NPAS3: variants seen among roughly 807,000 people sequenced by gnomAD.
NPAS3 encodes neuronal PAS domain-containing protein 3.
NPAS3 carries 14 observed loss-of-function variants against 73.1 expected under a neutral mutation model. The ratio of observed to expected loss-of-function variants is 0.19; its 90% CI spans 0.13 to 0.30. The LOEUF (loss-of-function observed/expected upper bound fraction) is 0.30. NPAS3 is among the 10% of genes least tolerant of loss of function. The probability of loss-of-function intolerance (pLI) is 1.00; values close to 1 mark genes in which losing one functional copy is unlikely to be tolerated. For synonymous variants in NPAS3, 620 were observed against 541.5 expected (o/e 1.14, Z -2.01); for missense variants, 1,096 against 1,250.0 (o/e 0.88, Z 1.86).
chr14:33,109,810 C>CTTTTTTTTTTTTTTTTTTTTT (rs67439887), intron 2 of NPAS3, among the ~76,000 whole-genome samples: 2 of 86,974 alleles, frequency 2.3e-5, no homozygotes, highest in Non-Finnish European at 4.2e-5. Context: ...ATTTGCATGT[C>CTTTTTTTTTTTTTTTTTTTTT]TTTTTTTTTT....
chr14:33,685,223 G>A lies in NPAS3; in HGVS notation c.733+8838G>A, dbSNP rs549492817. ...GGGGGACAGATGAGTAACACAATGC[G>A]GAAGCGTGGTAATGAGGATCAGGAC... On this transcript the variant is annotated intron_variant, in intron 6 of 11. Coordinates refer to ENST00000356141, the Ensembl canonical transcript of NPAS3. 3.9e-5 allele frequency among the ~76,000 whole-genome samples: 6 copies of A among 152,254 alleles called. No individual in the cohort carries two copies. In the East Asian group the frequency reaches 5.8e-4, roughly 15 times the overall value.
rs1030539075 is a variant in NPAS3, at chr14:33,365,262, C to G, written c.386-1924C>G. Among the ~76,000 whole-genome samples the G allele has an allele frequency of 5.9e-4, 85 of 143,200 alleles. 1 individual carries two copies. The highest frequency in any genetic ancestry group is 3.5e-4 in the Non-Finnish European group (23 of 66,650). The allele number at this position is 143,200 out of a possible 152,430, so 93.9% of individuals were successfully genotyped here. A position where few individuals can be genotyped will look rare whatever the true frequency, so the allele number is the denominator to read the frequency against. On this transcript the variant is annotated intron_variant, in intron 3 of 11. Transcript: ENST00000356141. Reference sequence around the variant, plus strand: ...TTCATGTGGGATCATTCACACCAAGCTACCATAATGTGCAATTAACACTCT... The same window carrying G: ...TTCATGTGGGATCATTCACACCAAGGTACCATAATGTGCAATTAACACTCT...
At position 33,768,384 on chromosome 14, in the gene NPAS3, A is replaced by G. The variant is rs180693962; in HGVS notation, c.853-5953A>G. On this transcript the variant is annotated intron_variant, in intron 7 of 11. Coordinates refer to ENST00000356141, the Ensembl canonical transcript of NPAS3. ...TGTAGATGAGATTTAAGACCAGATTAAGATGAACTTTTTGAACACTGAGGC... is the reference window on the plus strand; with the variant it reads ...TGTAGATGAGATTTAAGACCAGATTGAGATGAACTTTTTGAACACTGAGGC... 1.4e-3 allele frequency among the ~76,000 whole-genome samples: 211 copies of G among 152,360 alleles called. 2 individuals carry two copies. Among genetic ancestry groups the G allele is most frequent in the Non-Finnish European group, 2.1e-3 (145 of 68,040 alleles).
chr14:32,967,771 T>TGGGG (rs71118518), intron 1 of NPAS3, among the ~76,000 whole-genome samples: 1 of 147,310 alleles, frequency 6.8e-6, no homozygotes, highest in Non-Finnish European at 1.5e-5. Context: ...CAACAGCATG[T>TGGGG]GGGGGGGGGT....
intron 7 of NPAS3, among the ~76,000 whole-genome samples, chr14:33,746,689 G>C (rs1328711692): frequency 2.0e-5 from 3 of 151,998 alleles, no homozygotes; most frequent in African/African-American, 7.2e-5. Context: ...CCGAGAATTA[G>C]AAAGGTTAAG....
chr14:33,267,997 G>A (rs1245113079), intron 3 of NPAS3, among the ~76,000 whole-genome samples: 1 of 152,040 alleles, frequency 6.6e-6, no homozygotes, highest in Non-Finnish European at 1.5e-5. Flanking sequence ...GCCTAAGGAT[G>A]ACATAAAAAT....
At chr14:33,456,450 G>T (rs776859241) in intron 4 of NPAS3, among the ~76,000 whole-genome samples, 1 of 152,100 alleles carries the variant, frequency 6.6e-6, no homozygotes, top group Non-Finnish European at 1.5e-5. Context: ...CTTTTAAGCA[G>T]AAAAAGACTA....
intron 4 of NPAS3, among the ~76,000 whole-genome samples, chr14:33,468,836 A>G (rs1594965373): frequency 6.6e-6 from 1 of 152,204 alleles, no homozygotes; most frequent in East Asian, 1.9e-4. Flanking sequence ...ATATACTGTC[A>G]CACAATTCTT....
chr14:33,615,147 G>A (rs558560242), intron 5 of NPAS3, among the ~76,000 whole-genome samples: 6 of 152,266 alleles, frequency 3.9e-5, no homozygotes, highest in African/African-American at 1.4e-4. Flanking sequence ...ACCATGGCCC[G>A]CGGATTAGGT....
intron 2 of NPAS3, among the ~76,000 whole-genome samples, chr14:33,111,449 T>C (rs1185114891): frequency 6.6e-6 from 1 of 152,184 alleles, no homozygotes; most frequent in Non-Finnish European, 1.5e-5. Flanking sequence ...ATTATCATAT[T>C]GGATTAAATT....
chr14:33,117,641 T>C (rs2043110668), intron 2 of NPAS3, among the ~76,000 whole-genome samples: 1 of 152,142 alleles, frequency 6.6e-6, no homozygotes, highest in Non-Finnish European at 1.5e-5. Context: ...GGAAATCTAC[T>C]TGTAAAAGGC....
At chr14:33,012,484 C>T (rs1273129879) in intron 1 of NPAS3, among the ~76,000 whole-genome samples, 12 of 151,532 alleles carry the variant, frequency 7.9e-5, no homozygotes, top group Admixed American at 2.6e-4. Flanking sequence ...AGCTTTAGAC[C>T]CTATGAGAAT....
At chr14:33,570,821 G>A (rs896748871) in intron 5 of NPAS3, among the ~76,000 whole-genome samples, 3 of 152,166 alleles carry the variant, frequency 2.0e-5, no homozygotes, top group African/African-American at 7.2e-5. Flanking sequence ...CGGTGCTCAG[G>A]AAATCAGATA....
intron 3 of NPAS3, among the ~76,000 whole-genome samples, chr14:33,320,333 G>A (rs1040078436): frequency 6.6e-6 from 1 of 152,072 alleles, no homozygotes; most frequent in Non-Finnish European, 1.5e-5. Flanking sequence ...TTTTTGATTT[G>A]GGGGAAGATC....
intron 4 of NPAS3, among the ~76,000 whole-genome samples, chr14:33,522,128 G>C (rs774749284): frequency 6.6e-6 from 1 of 152,144 alleles, no homozygotes; most frequent in Non-Finnish European, 1.5e-5. Flanking sequence ...TCTGAATTAA[G>C]TGCTCATATT....
intron 4 of NPAS3, among the ~76,000 whole-genome samples, chr14:33,440,841 C>T (rs1805367490): frequency 1.3e-5 from 2 of 151,984 alleles, no homozygotes; most frequent in South Asian, 4.2e-4. Context: ...TTGCAATGAG[C>T]CAAGACTGCG....
intron 4 of NPAS3, among the ~76,000 whole-genome samples, chr14:33,498,935 A>AGTGTGTGTGTGTGTGT (rs3058422): frequency 1.2e-4 from 11 of 94,932 alleles, no homozygotes; most frequent in Admixed American, 1.0e-3. Context: ...ACAGAGAGAG[A>AGTGTGTGTGTGTGTGT]GTGTGTGTGT....
At chr14:33,292,119 T>G (rs1261459702) in intron 3 of NPAS3, among the ~76,000 whole-genome samples, 1 of 152,264 alleles carries the variant, frequency 6.6e-6, no homozygotes, top group Non-Finnish European at 1.5e-5. Context: ...GTCAGCATAC[T>G]TATTATGCAT....
At chr14:33,174,462 A>G (rs1477149595) in intron 2 of NPAS3, among the ~76,000 whole-genome samples, 1 of 152,234 alleles carries the variant, frequency 6.6e-6, no homozygotes, top group Non-Finnish European at 1.5e-5. Flanking sequence ...TCATGAATGC[A>G]TTCATTCATT....
Sources: allele counts gnomAD v4.1 joint callset (sites outside exome capture counted in the v4.1 genomes callset), GRCh38; gene constraint gnomAD v4.1.1; transcripts MANE v1.5; gene names NCBI Gene and HGNC (gene_info 2026-07-23, HGNC 2026-07-21).